The following SNRK variants were observed in gnomAD, a reference collection of about 807,000 sequenced individuals.
The protein encoded by SNRK is SNF related kinase.
Under a neutral mutation model 48.2 loss-of-function variants are expected in SNRK, and 3 were observed. The ratio of observed to expected loss-of-function variants is 0.06; its 90% CI spans 0.03 to 0.16. The LOEUF (loss-of-function observed/expected upper bound fraction) is 0.16, where lower values mean the gene tolerates loss of function less well. Ranked by LOEUF, SNRK falls within the 10% of genes least tolerant of loss-of-function variation. The probability of loss-of-function intolerance (pLI) is 1.00; values close to 1 mark genes in which losing one functional copy is unlikely to be tolerated. For missense variants in SNRK, 627 were observed against 976.0 expected, an observed-to-expected ratio of 0.64 and a Z score of 4.76; for synonymous variants, 376 against 366.1, an observed-to-expected ratio of 1.03 and a Z score of -0.31.
chr3:43,326,687 G>A (rs1054974673), intron 3 of SNRK, among the ~76,000 whole-genome samples: 1 of 152,156 alleles, frequency 6.6e-6, no homozygotes, highest in Non-Finnish European at 1.5e-5. Context: ...GACCCTCAGA[G>A]TAGGGAGTCT....
chr3:43,296,956 G>A (rs1559458735), intron 1 of SNRK, among the ~76,000 whole-genome samples: 1 of 152,276 alleles, frequency 6.6e-6, no homozygotes, highest in East Asian at 1.9e-4. Flanking sequence ...GCACATAACA[G>A]TACTTGTTTC....
rs938530790 is a variant in SNRK, at chr3:43,347,723, G to C, written c.1464G>C (p.Gln488His). ...GGAAGAGTGCGCCCGTCCTCAACCA[G>C]ATCTTTGAGGAAGGGGAATCTGACG... is the stretch of plus-strand genomic sequence containing the variant. Reference protein sequence around the residue: ...TSRKSAPVLNQIFEEGESDDE... With the variant: ...TSRKSAPVLNHIFEEGESDDE... The change falls in exon 7 of 7, where the codon CAG (glutamine) becomes CAC (histidine). Residue 488 changes from glutamine to histidine, a missense_variant. Transcript: ENST00000296088. This position sits in a 1 kb window ranked among gnomAD's most constrained non-coding sequence, Gnocchi z 5.4. 2 of 1,614,080 alleles carry C rather than the reference G, an allele frequency of 1.2e-6. No individual in the cohort carries two copies. The highest frequency in any genetic ancestry group is 1.1e-5 in the South Asian group (1 of 91,082).
rs1359253380 is a variant in SNRK at position 43,303,580 on chromosome 3, C to G, written c.377C>G (p.Ala126Gly). 2 of 1,614,008 alleles carry G rather than the reference C, an allele frequency of 1.2e-6. No homozygotes were observed. The highest frequency in any genetic ancestry group is 1.7e-6 in the Non-Finnish European group (2 of 1,179,982). ...AKKYFAQIVH[A>G]ISYCHKLHVV... ...AAGTATTTTGCTCAGATAGTTCATG[C>G]TATATCTTATTGCCATAAACTCCAT... Residue 126 changes from alanine (A) to glycine (G), a missense_variant, in exon 3 of 7, where the codon GCT becomes GGT. Physicochemically the swap from Ala to Gly is moderately conservative, Grantham distance 60. Transcript: ENST00000296088. This position sits in a 1 kb window ranked among gnomAD's most constrained non-coding sequence, Gnocchi z 6.2.
intron 5 of SNRK, 81 bp from the exon 6 acceptor site, chr3:43,343,263 G>T: frequency 6.8e-7 from 1 of 1,478,426 alleles, no homozygotes; most frequent in Non-Finnish European, 9.0e-7. Context: ...TAACTTGCTT[G>T]TACTTTTAAA....
intron 1 of SNRK, among the ~76,000 whole-genome samples, chr3:43,293,569 T>C (rs1425397438): frequency 1.3e-5 from 2 of 151,964 alleles, no homozygotes; most frequent in Non-Finnish European, 2.9e-5. Context: ...TAATTTAACA[T>C]TTTAAGTTTT....
chr3:43,306,745 A>C (rs1275932775), intron 3 of SNRK, among the ~76,000 whole-genome samples: 2 of 152,122 alleles, frequency 1.3e-5, no homozygotes, highest in Non-Finnish European at 2.9e-5. Flanking sequence ...TAGGGGTTTC[A>C]CTCTGCAGTT....
intron 2 of SNRK, among the ~76,000 whole-genome samples, chr3:43,301,575 G>A (rs1488142976): frequency 1.3e-5 from 2 of 152,062 alleles, no homozygotes; most frequent in African/African-American, 4.8e-5. Context: ...AGACCAGCCT[G>A]AGCAACATAG....
chr3:43,297,854 T>C (rs2090868358), intron 1 of SNRK, among the ~76,000 whole-genome samples: 1 of 152,230 alleles, frequency 6.6e-6, no homozygotes, highest in Non-Finnish European at 1.5e-5. Context: ...CATTATTTCC[T>C]ATACCTTACA....
intron 3 of SNRK, among the ~76,000 whole-genome samples, chr3:43,327,346 A>G (rs2091104238): frequency 6.6e-6 from 1 of 152,232 alleles, no homozygotes; most frequent in African/African-American, 2.4e-5. Flanking sequence ...GTGTTAGGTC[A>G]TATGTCAGTG....
chr3:43,321,125 C>T (rs2091050340), intron 3 of SNRK, among the ~76,000 whole-genome samples: 1 of 151,976 alleles, frequency 6.6e-6, no homozygotes, highest in Non-Finnish European at 1.5e-5. Context: ...TAAACAACTT[C>T]ATAAGAATTT....
chr3:43,338,086 A>C, intron 4 of SNRK, among the ~76,000 whole-genome samples: 1 of 152,196 alleles, frequency 6.6e-6, no homozygotes, highest in Non-Finnish European at 1.5e-5. Flanking sequence ...AAATCTTTAG[A>C]ATATTTTAAC....
chr3:43,310,109 C>G (rs1398065846), intron 3 of SNRK, among the ~76,000 whole-genome samples: 1 of 152,118 alleles, frequency 6.6e-6, no homozygotes, highest in African/African-American at 2.4e-5. Context: ...CACAGTATCG[C>G]TGAGGTATGC....
intron 3 of SNRK, among the ~76,000 whole-genome samples, chr3:43,309,881 C>T (rs974215307): frequency 3.3e-5 from 5 of 151,752 alleles, no homozygotes; most frequent in East Asian, 1.9e-4. Flanking sequence ...ATTTTTTGCC[C>T]GTGACACAGC....
chr3:43,344,868 A>G (rs565927131), intron 6 of SNRK, among the ~76,000 whole-genome samples: 16 of 152,224 alleles, frequency 1.1e-4, no homozygotes, highest in African/African-American at 3.9e-4. Context: ...GACTGGAGCT[A>G]CCACCAGGCT....
Position 43,347,366 on chromosome 3 carries a change from A to T in SNRK, c.1107A>T (p.Val369=). The part of the protein sequence containing the change: ...FRQSWPTKID[V]PQDLEDDLTA... ...AGTCATGGCCAACCAAAATTGATGT[A>T]CCCCAGGACCTTGAGGATGACCTCA... Residue 369 remains valine, a synonymous_variant, in exon 7 of 7, where the codon GTA becomes GTT. Transcript: ENST00000296088. This position sits in a 1 kb window ranked among gnomAD's most constrained non-coding sequence, Gnocchi z 5.4. The T allele has an allele frequency of 5.1e-6, 8 of 1,576,506 alleles. No individual in the cohort carries two copies. The highest frequency in any genetic ancestry group is 6.0e-6 in the Non-Finnish European group (7 of 1,162,422).
intron 3 of SNRK, among the ~76,000 whole-genome samples, chr3:43,323,845 A>G (rs918747892): frequency 1.3e-5 from 2 of 152,194 alleles, no homozygotes; most frequent in African/African-American, 4.8e-5. Flanking sequence ...TGAGAAAAAC[A>G]GAGACTACGT....
chr3:43,329,482 C>T (rs542207464), intron 3 of SNRK, among the ~76,000 whole-genome samples: 1 of 152,160 alleles, frequency 6.6e-6, no homozygotes, highest in South Asian at 2.1e-4. Context: ...AATAAATGGC[C>T]CCTTGAATAA....
intron 3 of SNRK, among the ~76,000 whole-genome samples, chr3:43,326,820 G>A (rs1452024988): frequency 6.6e-6 from 1 of 152,174 alleles, no homozygotes; most frequent in Non-Finnish European, 1.5e-5. Flanking sequence ...GGGACATTTA[G>A]ATGAATTAAG....
intron 6 of SNRK, 95 bp downstream of exon 6, chr3:43,343,573 A>G: frequency 7.5e-7 from 1 of 1,330,570 alleles, no homozygotes; most frequent in Non-Finnish European, 1.0e-6. Context: ...TCTTTGGGGC[A>G]AGAGAGTACA....
Sources: allele counts gnomAD v4.1 joint callset (sites outside exome capture counted in the v4.1 genomes callset), GRCh38; gene constraint gnomAD v4.1.1; non-coding constraint Gnocchi (gnomAD v3.1); transcripts MANE v1.5; gene names NCBI Gene and HGNC (gene_info 2026-07-23, HGNC 2026-07-21).